MIR2052HG: variants seen among roughly 807,000 people sequenced by gnomAD.
The protein encoded by MIR2052HG is MIR2052 host gene.
At chr8:74,749,026 G>A (rs1469493373) in intron 4 of MIR2052HG, among the ~76,000 whole-genome samples, 1 of 152,032 alleles carries the variant, frequency 6.6e-6, no homozygotes, top group Non-Finnish European at 1.5e-5. Flanking sequence ...CCTCTTGGAT[G>A]CCATTTCAAT....
intron 4 of MIR2052HG, among the ~76,000 whole-genome samples, chr8:74,724,247 TA>T (rs111380625): frequency 2.1e-4 from 31 of 150,078 alleles, no homozygotes; most frequent in Non-Finnish European, 3.7e-4. Context: ...GCAGAAACTT[TA>T]AAAAAAAAAC....
At chr8:74,719,934 G>A (rs761455717) in intron 4 of MIR2052HG, among the ~76,000 whole-genome samples, 12 of 134,070 alleles carry the variant, frequency 9.0e-5, no homozygotes, top group Non-Finnish European at 1.2e-4. Flanking sequence ...TGCAGCCTCC[G>A]CCTCACAGGT....
Position 74,651,803 on chromosome 8 carries a change from T to G in MIR2052HG, n.216+38863T>G, listed in dbSNP as rs559359868. 5.3e-5 allele frequency among the ~76,000 whole-genome samples: 8 copies of G among 152,284 alleles called. 1 individual carries two copies. The South Asian group carries it at 1.7e-3, about 32-fold the overall frequency. ...ATACACAGGGTCTGAGTCTGGTCAC[T>G]CTGCTCTTTCTGAACCAGCGAGAAG... On this transcript the variant is annotated intron_variant and non_coding_transcript_variant, in intron 2 of 6. Coordinates refer to ENST00000523442, the Ensembl canonical transcript of MIR2052HG.
At chr8:74,604,091 C>A in intron 1 of MIR2052HG, 1 of 932,126 alleles carries the variant, frequency 1.1e-6, no homozygotes, top group Non-Finnish European at 1.8e-6. Flanking sequence ...GGACAATTCC[C>A]TTCTGAGATG....
At chr8:74,630,715 A>C (rs2588305) in intron 2 of MIR2052HG, among the ~76,000 whole-genome samples, 97,323 of 151,852 alleles carry the variant, frequency 0.64, 31,514 homozygotes, top group East Asian at 0.77. Context: ...TAACATAGCA[A>C]CTACATCTCC....
intron 2 of MIR2052HG, among the ~76,000 whole-genome samples, chr8:74,666,381 C>T (rs547184385): frequency 5.3e-5 from 8 of 152,322 alleles, no homozygotes; most frequent in African/African-American, 1.9e-4. Flanking sequence ...ACCACCATCA[C>T]TTGGTATCAC....
At chr8:74,696,015 A>G (rs1367795985) in intron 2 of MIR2052HG, among the ~76,000 whole-genome samples, 1 of 152,152 alleles carries the variant, frequency 6.6e-6, no homozygotes, top group African/African-American at 2.4e-5. Context: ...CAACTGCAGA[A>G]CATACAGTCT....
At chr8:74,688,637 C>G (rs1809208322) in intron 2 of MIR2052HG, among the ~76,000 whole-genome samples, 1 of 152,146 alleles carries the variant, frequency 6.6e-6, no homozygotes, top group African/African-American at 2.4e-5. Context: ...TTTTTTCTAA[C>G]ATGAAATTTT....
chr8:74,717,888 A>T (rs909773095), intron 4 of MIR2052HG, among the ~76,000 whole-genome samples: 1 of 152,194 alleles, frequency 6.6e-6, no homozygotes, highest in Non-Finnish European at 1.5e-5. Context: ...AAAATAAATA[A>T]AAATACACTG....
At chr8:74,679,689 A>C (rs992921050) in intron 2 of MIR2052HG, among the ~76,000 whole-genome samples, 15 of 151,722 alleles carry the variant, frequency 9.9e-5, no homozygotes, top group Admixed American at 8.6e-4. Context: ...CACCCGGCTA[A>C]ATTTTTTGTT....
chr8:74,652,461 T>A (rs1808763279), intron 2 of MIR2052HG, among the ~76,000 whole-genome samples: 1 of 152,184 alleles, frequency 6.6e-6, no homozygotes, highest in Non-Finnish European at 1.5e-5. Flanking sequence ...GCATTGAACA[T>A]GTGGCACATA....
At chr8:74,704,802 C>T (rs1016044670) in intron 4 of MIR2052HG, among the ~76,000 whole-genome samples, 2 of 152,032 alleles carry the variant, frequency 1.3e-5, no homozygotes, top group Non-Finnish European at 2.9e-5. Context: ...TTTGGAAGAA[C>T]TTCAGGAGGC....
At chr8:74,632,215 G>A (rs1004372435) in intron 2 of MIR2052HG, among the ~76,000 whole-genome samples, 27 of 152,046 alleles carry the variant, frequency 1.8e-4, no homozygotes, top group Admixed American at 1.3e-3. Flanking sequence ...TGTGGCTGTC[G>A]GAGGACGTAT....
At chr8:74,673,616 G>A (rs78298293) in intron 2 of MIR2052HG, among the ~76,000 whole-genome samples, 1,994 of 151,876 alleles carry the variant, frequency 0.013, 35 homozygotes, top group African/African-American at 0.046. Flanking sequence ...ATATATATGT[G>A]GCCAGGACCA....
At chr8:74,653,048 C>T (rs1808769585) in intron 2 of MIR2052HG, among the ~76,000 whole-genome samples, 1 of 152,154 alleles carries the variant, frequency 6.6e-6, no homozygotes. Context: ...TTAGCTATAC[C>T]TAAACTTTTT....
At chr8:74,752,226 G>A (rs931621394) in intron 4 of MIR2052HG, among the ~76,000 whole-genome samples, 1 of 147,388 alleles carries the variant, frequency 6.8e-6, no homozygotes, top group Non-Finnish European at 1.5e-5. Flanking sequence ...AGGCTACAGT[G>A]AGCCATCATC....
At chr8:74,695,439 A>G (rs1809285678) in intron 2 of MIR2052HG, among the ~76,000 whole-genome samples, 1 of 152,150 alleles carries the variant, frequency 6.6e-6, no homozygotes, top group African/African-American at 2.4e-5. Flanking sequence ...AGCACAATGA[A>G]TAGAATAGTA....
chr8:74,676,038 T>C (rs1423073871), intron 2 of MIR2052HG, among the ~76,000 whole-genome samples: 3 of 151,982 alleles, frequency 2.0e-5, no homozygotes, highest in Non-Finnish European at 4.4e-5. Flanking sequence ...AGAGCAATAA[T>C]AAAGTCAGAA....
At chr8:74,732,665 C>A (rs1316758660) in intron 4 of MIR2052HG, among the ~76,000 whole-genome samples, 2 of 152,066 alleles carry the variant, frequency 1.3e-5, no homozygotes, top group African/African-American at 4.8e-5. Context: ...CTGTTATTTT[C>A]AATATAGAAC....
Sources: allele counts gnomAD v4.1 joint callset (sites outside exome capture counted in the v4.1 genomes callset), GRCh38; gene constraint gnomAD v4.1.1; transcripts MANE v1.5; gene names NCBI Gene and HGNC (gene_info 2026-07-23, HGNC 2026-07-21).